The following ITPR3 variants were observed in gnomAD, a reference collection of about 807,000 sequenced individuals.
The protein encoded by ITPR3 is inositol 1,4,5-trisphosphate-gated calcium channel ITPR3.
ITPR3 carries 173 observed loss-of-function variants against 293.2 expected under a neutral mutation model. That is an observed-to-expected ratio of 0.59 (90% CI 0.52 to 0.67). The LOEUF (loss-of-function observed/expected upper bound fraction) is 0.67, where lower values mean the gene tolerates loss of function less well. Among genes scored for constraint, ITPR3 ranks in the 30% least tolerant of loss-of-function variants. ITPR3 has a pLI of 0.00. For missense variants in ITPR3, 2,796 were observed against 3,592.1 expected (o/e 0.78, Z 5.66); for synonymous variants, 1,295 against 1,444.4 (o/e 0.90, Z 2.35).
rs1192715198 is a variant in ITPR3, at chr6:33,689,973, T to C, written c.6868-61T>C. On this transcript the variant is annotated intron_variant, in intron 50 of 57. Transcript: ENST00000605930. ...GCTCTGAGCTGGGCACTGGGGGACATGCGTGCAGATTCAGCATAGGTGGTA... is the reference window on the plus strand; with the variant it reads ...GCTCTGAGCTGGGCACTGGGGGACACGCGTGCAGATTCAGCATAGGTGGTA... The C allele has an allele frequency of 9.4e-6, 15 of 1,592,802 alleles. No homozygotes were observed. The East Asian group carries it at 2.2e-4, about 24-fold the overall frequency.
In ITPR3 at chr6:33,664,851, C is replaced by T. The variant is rs372125305; in HGVS notation, c.1149-19C>T. 6 of 1,610,924 alleles carry T rather than the reference C, an allele frequency of 3.7e-6. No homozygotes were observed. Among genetic ancestry groups the T allele is most frequent in the African/African-American group, 1.3e-5 (1 of 74,848 alleles). On this transcript the variant is annotated intron_variant, in intron 11 of 57. Transcript: ENST00000605930. The surrounding 1 kb of genome is among the most constrained non-coding windows in gnomAD (Gnocchi z 4.4). ...CTGTGGTGCACTCCCCGAGTCCTTT[C>T]CCTCCCACCCACCTGCAGGAACTCG...
At chr6:33,631,461 GCAGCATATGT>G (rs1763677531) in intron 1 of ITPR3, among the ~76,000 whole-genome samples, 1 of 152,212 alleles carries the variant, frequency 6.6e-6, no homozygotes, top group Admixed American at 6.5e-5. Context: ...GAGAGGGAAG[GCAGCATATGT>G]CAGCGTTTTC....
intron 39 of ITPR3, 101 bp downstream of exon 39, chr6:33,685,044 AAG>A: frequency 2.2e-6 from 3 of 1,354,262 alleles, no homozygotes; most frequent in Non-Finnish European, 3.1e-6. Flanking sequence ...GAGGGTGTGA[AAG>A]AGGAGAGGCC....
chr6:33,671,198 G>A lies in ITPR3; in HGVS notation c.2620G>A (p.Gly874Ser). 1.2e-6 allele frequency: 2 copies of A among 1,613,648 alleles called. No homozygotes were observed. The highest frequency in any genetic ancestry group is 1.7e-6 in the Non-Finnish European group (2 of 1,179,916). ...CCTGGCGCACAATCTCATCTACTTC[G>A]GCTTCTACAGCTTCAGCGAGCTGCT... ...VSLAHNLIYFGFYSFSELLRL... is the reference protein window; with the variant it reads ...VSLAHNLIYFSFYSFSELLRL... Residue 874 changes from glycine to serine, a missense_variant, in exon 21 of 58, where the codon GGC becomes AGC. By Grantham distance (56) the Gly-to-Ser change is moderately conservative. Around this residue, in one of 8 missense-constraint regions of ITPR3, gnomAD observed 955 missense variants for 1,180.8 expected, o/e 0.81. Coordinates refer to ENST00000605930, the MANE Select transcript of ITPR3 (RefSeq NM_002224.4).
intron 2 of ITPR3, among the ~76,000 whole-genome samples, chr6:33,653,567 C>A (rs1764240862): frequency 6.7e-6 from 1 of 149,358 alleles, no homozygotes; most frequent in Admixed American, 6.8e-5. Flanking sequence ...AGTTGCATTC[C>A]TGGAAAATTC....
rs1245052335 is a variant in ITPR3, at chr6:33,633,935, G to A, written c.90-6549G>A. On this transcript the variant is annotated intron_variant, in intron 1 of 57. Transcript: ENST00000605930. This position sits in a 1 kb window ranked among gnomAD's most constrained non-coding sequence, Gnocchi z 5.2. ...AGAACCGCTCCCACCACGCAGCGATGGGGAGGTCGCGGCCTCGCCCGGTGA... is the reference window on the plus strand; with the variant it reads ...AGAACCGCTCCCACCACGCAGCGATAGGGAGGTCGCGGCCTCGCCCGGTGA... Among the ~76,000 whole-genome samples, 1 of 151,856 alleles carries A rather than the reference G, an allele frequency of 6.6e-6. No homozygotes were observed. The highest frequency in any genetic ancestry group is 1.5e-5 in the Non-Finnish European group (1 of 67,908).
intron 1 of ITPR3, among the ~76,000 whole-genome samples, chr6:33,636,122 A>C (rs1165785665): frequency 2.0e-4 from 14 of 69,444 alleles, no homozygotes; most frequent in African/African-American, 5.0e-4. Context: ...CGCTGTCTCT[A>C]CAAAAAAAAA....
intron 20 of ITPR3, 21 bp from the exon 21 acceptor site, chr6:33,671,144 T>G: frequency 6.2e-7 from 1 of 1,610,990 alleles, no homozygotes; most frequent in East Asian, 2.2e-5. Flanking sequence ...CCACCTCACC[T>G]CGGCCACGCC....
At position 33,666,142 on chromosome 6, in the gene ITPR3, T is replaced by C. The variant is rs561749825; in HGVS notation, c.1551+166T>C. Among the ~76,000 whole-genome samples the C allele has an allele frequency of 1.3e-5, 2 of 152,200 alleles. No homozygotes were observed. Among genetic ancestry groups the C allele is most frequent in the Non-Finnish European group, 2.9e-5 (2 of 68,046 alleles). On this transcript the variant is annotated intron_variant, in intron 14 of 57. Coordinates refer to ENST00000605930, the MANE Select transcript of ITPR3 (RefSeq NM_002224.4). The surrounding 1 kb of genome is among the most constrained non-coding windows in gnomAD (Gnocchi z 5.1). ...CCACATGTGTTGACGAATTTGATCC[T>C]CACTGCCTGGAGGAGGCGCCGTGAT...
At chr6:33,645,388 G>T (rs995010502) in intron 2 of ITPR3, among the ~76,000 whole-genome samples, 1 of 152,196 alleles carries the variant, frequency 6.6e-6, no homozygotes, top group African/African-American at 2.4e-5. Flanking sequence ...CTGTTTTTGA[G>T]ATTTATCTGA....
intron 56 of ITPR3, chr6:33,694,695 TAACGGAA>T: frequency 3.7e-6 from 2 of 547,190 alleles, no homozygotes; most frequent in Admixed American, 3.4e-5. Context: ...CGACGCTGCC[TAACGGAA>T]GTCAGCCTGT....
At chr6:33,663,460 G>T in intron 9 of ITPR3, 40 bp from the exon 10 acceptor site, 10 of 1,572,518 alleles carry the variant, frequency 6.4e-6, no homozygotes, top group Non-Finnish European at 8.7e-6. Flanking sequence ...GGTATAGTTT[G>T]GTGTCCAGTA....
At chr6:33,642,908 G>A (rs1182238004) in intron 2 of ITPR3, among the ~76,000 whole-genome samples, 1 of 152,234 alleles carries the variant, frequency 6.6e-6, no homozygotes, top group Admixed American at 6.5e-5. Flanking sequence ...GACTCCCTAT[G>A]GCCCTGTTGG....
intron 51 of ITPR3, 26 bp downstream of exon 51, chr6:33,690,224 C>T: frequency 6.8e-7 from 1 of 1,476,216 alleles, no homozygotes; most frequent in South Asian, 1.1e-5. Context: ...TGGGCTGGGG[C>T]TGGATGGGGG....
At position 33,632,803 on chromosome 6, in the gene ITPR3, G is replaced by T. The variant is rs185054546; in HGVS notation, c.90-7681G>T. Among the ~76,000 whole-genome samples, 1 of 152,338 alleles carries T rather than the reference G, an allele frequency of 6.6e-6. No individual in the cohort carries two copies. The highest frequency in any genetic ancestry group is 6.5e-5 in the Admixed American group (1 of 15,280). On this transcript the variant is annotated intron_variant, in intron 1 of 57. Transcript: ENST00000605930. The surrounding 1 kb of genome is among the most constrained non-coding windows in gnomAD (Gnocchi z 4.1). ...GCCTCTGCTGGGCTGGTCCTGGAGGGGAGAAGGGGACACACAGGTGTAGAC... is the reference window on the plus strand; with the variant it reads ...GCCTCTGCTGGGCTGGTCCTGGAGGTGAGAAGGGGACACACAGGTGTAGAC...
chr6:33,668,543 G>T lies in ITPR3; in HGVS notation c.1915G>T (p.Val639Leu), dbSNP rs1175442443. Residue 639 changes from valine to leucine, a missense_variant, in exon 17 of 58, where the codon GTG becomes TTG. By Grantham distance (32) the Val-to-Leu change is conservative. Around this residue, in one of 8 missense-constraint regions of ITPR3, gnomAD observed 955 missense variants for 1,180.8 expected, o/e 0.81. Transcript: ENST00000605930. Reference protein sequence around the residue: ...RFLDYLSDLCVSNHIAIPVTQ... With the variant: ...RFLDYLSDLCLSNHIAIPVTQ... The stretch of plus-strand genomic sequence containing the variant: ...CCTGGACTACCTCTCTGACCTGTGT[G>T]TGTCCAACCACATCGCCATCCCCGT... The T allele has an allele frequency of 1.2e-6, 2 of 1,614,050 alleles. No homozygotes were observed. The highest frequency in any genetic ancestry group is 1.7e-6 in the Non-Finnish European group (2 of 1,180,024).
intron 2 of ITPR3, among the ~76,000 whole-genome samples, chr6:33,650,329 C>T (rs1265141480): frequency 6.6e-6 from 1 of 152,232 alleles, no homozygotes; most frequent in African/African-American, 2.4e-5. Context: ...CATCTTCTGG[C>T]ATGTGTATGT....
chr6:33,695,992 T>G lies in ITPR3; in HGVS notation c.*212T>G, dbSNP rs537312700. ...CCTGCTTAGAGCCCTTAAAAAGACT[T>G]GAAAGTTCACTGGGACTCAGTTTAC... On this transcript the variant is annotated 3_prime_UTR_variant, in exon 58 of 58. Transcript: ENST00000605930. 33 of 577,188 alleles carry G rather than the reference T, an allele frequency of 5.7e-5. No homozygotes were observed. The Admixed American group carries it at 7.1e-4, about 12-fold the overall frequency. The allele number at this position is 577,188 out of a possible 1,614,324, so 35.8% of individuals were successfully genotyped here. A position where few individuals can be genotyped will look rare whatever the true frequency, so the allele number is the denominator to read the frequency against.
intron 43 of ITPR3, among the ~76,000 whole-genome samples, 161 bp downstream of exon 43, chr6:33,686,680 G>A (rs773265902): frequency 1.9e-4 from 29 of 152,202 alleles, no homozygotes; most frequent in African/African-American, 2.7e-4. Flanking sequence ...TGTGTGCAGG[G>A]TGTGTGTGTA....
Sources: allele counts gnomAD v4.1 joint callset (sites outside exome capture counted in the v4.1 genomes callset), GRCh38; gene constraint gnomAD v4.1.1; regional missense constraint gnomAD v4.1.1; non-coding constraint Gnocchi (gnomAD v3.1); transcripts MANE v1.5; gene names NCBI Gene and HGNC (gene_info 2026-07-23, HGNC 2026-07-21).